Variants in RHBDL2 observed in about 807,000 individuals in gnomAD.
RHBDL2 encodes the protein rhomboid like 2, also known as rhomboid-related protein 2.
A neutral mutation model predicts 31.7 loss-of-function variants in RHBDL2; 26 were observed. That is an observed-to-expected ratio of 0.82 (90% CI 0.60 to 1.14). The LOEUF is 1.14. Ranked by LOEUF, RHBDL2 falls within the 50% of genes most tolerant of loss-of-function variation. The pLI, the probability that RHBDL2 is intolerant of heterozygous loss-of-function variation, is 0.00. For synonymous variants in RHBDL2, 123 were observed against 127.2 expected, an observed-to-expected ratio of 0.97 and a Z score of 0.22; for missense variants, 336 against 364.4, an observed-to-expected ratio of 0.92 and a Z score of 0.63.
intron 4 of RHBDL2, among the ~76,000 whole-genome samples, chr1:38,900,602 A>G (rs972999288): frequency 6.6e-6 from 1 of 151,834 alleles, no homozygotes; most frequent in Admixed American, 6.6e-5. Context: ...CCTGGGCGAC[A>G]AGAGTTAGAC....
At chr1:38,930,427 GTCTGGGCCGCCCCACAGCT>G (rs1187622174) in intron 1 of RHBDL2, among the ~76,000 whole-genome samples, 1 of 152,208 alleles carries the variant, frequency 6.6e-6, no homozygotes, top group East Asian at 1.9e-4. Context: ...TCAGACCAGA[GTCTGGGCCGCCCCACAGCT>G]ATTTAACATA....
At chr1:38,898,587 T>C (rs1642947858) in intron 4 of RHBDL2, among the ~76,000 whole-genome samples, 3 of 152,270 alleles carry the variant, frequency 2.0e-5, no homozygotes, top group Admixed American at 2.0e-4. Context: ...CAGTTATTAA[T>C]AGATGAGTTA....
chr1:38,929,134 T>C (rs1052540623), intron 1 of RHBDL2, among the ~76,000 whole-genome samples: 3 of 152,132 alleles, frequency 2.0e-5, no homozygotes, highest in Non-Finnish European at 2.9e-5. Context: ...AATCTTCTTT[T>C]TGGTTATTTT....
intron 3 of RHBDL2, among the ~76,000 whole-genome samples, chr1:38,911,646 G>A (rs1318295091): frequency 1.8e-5 from 1 of 56,908 alleles, no homozygotes; most frequent in African/African-American, 4.1e-5. Context: ...GTGTGTGTGT[G>A]CGCGCGCGCG....
intron 1 of RHBDL2, among the ~76,000 whole-genome samples, chr1:38,919,897 A>G (rs1348752825): frequency 6.6e-6 from 1 of 152,058 alleles, no homozygotes; most frequent in Non-Finnish European, 1.5e-5. Flanking sequence ...TTTAGAGTGT[A>G]CAATTCAGTG....
chr1:38,925,864 G>C lies in RHBDL2; in HGVS notation c.-125-6527C>G, dbSNP rs1411198571. Reference sequence around the variant, plus strand: ...AACAGTCATGTGAGATATCCAGGCAGAGCAGTAGGCCTGGCTCACTAACAG... The same window carrying C: ...AACAGTCATGTGAGATATCCAGGCACAGCAGTAGGCCTGGCTCACTAACAG... On this transcript the variant is annotated intron_variant, in intron 1 of 7. Transcript: ENST00000372990. 5.8e-6 allele frequency: 5 copies of C among 856,388 alleles called. No homozygotes were observed. The African/African-American group carries it at 8.8e-5, about 15-fold the overall frequency. The allele number at this position is 856,388 out of a possible 1,614,324, so 53.0% of individuals were successfully genotyped here.
At chr1:38,899,083 C>T (rs1447961316) in intron 4 of RHBDL2, among the ~76,000 whole-genome samples, 1 of 152,204 alleles carries the variant, frequency 6.6e-6, no homozygotes, top group Non-Finnish European at 1.5e-5. Flanking sequence ...CTTGTTTTCC[C>T]TCCTTTCTGA....
At chr1:38,909,007 TCTC>T (rs1039816465) in intron 4 of RHBDL2, among the ~76,000 whole-genome samples, 6 of 152,132 alleles carry the variant, frequency 3.9e-5, no homozygotes, top group African/African-American at 1.4e-4. Flanking sequence ...CAGCCCGGGA[TCTC>T]CTCTGACTGC....
In RHBDL2 at chr1:38,911,442, GACAA is replaced by G. The variant is rs766909710; in HGVS notation, c.396-12_396-9del. 1 of 1,578,342 alleles carries G rather than the reference GACAA, an allele frequency of 6.3e-7. No individual in the cohort carries two copies. Among genetic ancestry groups the G allele is most frequent in the African/African-American group, 1.3e-5 (1 of 74,220 alleles). On this transcript the variant is annotated splice_polypyrimidine_tract_variant and intron_variant, in intron 3 of 7. Coordinates refer to ENST00000372990, the MANE Select transcript of RHBDL2 (RefSeq NM_017821.5). ...CCCAAGATGTGCTGAACTCTGCAAA[GACAA>G]ACAATAGTTGTCAAATATTATGACT...
rs566865702 is a variant in RHBDL2, at chr1:38,897,162, G to A, written c.509-1093C>T. ...GTCGCCCAGGCTGGAGTGCAGTGGC[G>A]TGATCTCAGCTCACTGCAAGCTCTG... On this transcript the variant is annotated intron_variant, in intron 4 of 7. Coordinates refer to ENST00000372990, the MANE Select transcript of RHBDL2 (RefSeq NM_017821.5). Among the ~76,000 whole-genome samples, 8 of 151,202 alleles carry A rather than the reference G, an allele frequency of 5.3e-5. No individual in the cohort carries two copies. The East Asian group carries it at 1.2e-3, about 22-fold the overall frequency.
intron 6 of RHBDL2, 22 bp downstream of exon 6, chr1:38,893,142 A>G (rs762457511): frequency 3.7e-6 from 5 of 1,353,050 alleles, no homozygotes; most frequent in Non-Finnish European, 5.3e-6. Flanking sequence ...GACAGTATGA[A>G]GTATTCACAA....
At chr1:38,889,361 C>A (rs1415139315) in intron 6 of RHBDL2, among the ~76,000 whole-genome samples, 1 of 152,168 alleles carries the variant, frequency 6.6e-6, no homozygotes, top group African/African-American at 2.4e-5. Flanking sequence ...CTCGACCTCC[C>A]AAAGTGCTGG....
At chr1:38,940,319 C>G (rs1397067408) in intron 1 of RHBDL2, among the ~76,000 whole-genome samples, 1 of 152,166 alleles carries the variant, frequency 6.6e-6, no homozygotes, top group Non-Finnish European at 1.5e-5. Flanking sequence ...ATTTTTACCA[C>G]AAACCAGCAC....
chr1:38,905,982 G>A (rs1021015441), intron 4 of RHBDL2, among the ~76,000 whole-genome samples: 4 of 150,976 alleles, frequency 2.6e-5, no homozygotes, highest in Non-Finnish European at 2.9e-5. Context: ...CAGGAGAATC[G>A]CTTGAACCTG....
chr1:38,912,236 C>T (rs2124327074), intron 3 of RHBDL2, among the ~76,000 whole-genome samples: 1 of 152,096 alleles, frequency 6.6e-6, no homozygotes, highest in South Asian at 2.1e-4. Context: ...CTCCCAAAGA[C>T]TGGGATTACA....
intron 1 of RHBDL2, among the ~76,000 whole-genome samples, chr1:38,927,401 T>C (rs1643390687): frequency 6.6e-6 from 1 of 152,036 alleles, no homozygotes; most frequent in African/African-American, 2.4e-5. Flanking sequence ...CACTCCAGCC[T>C]GGGCGACAGA....
chr1:38,915,493 T>C (rs192807824), intron 3 of RHBDL2, 69 bp downstream of exon 3: 2 of 1,520,098 alleles, frequency 1.3e-6, no homozygotes, highest in East Asian at 2.3e-5. Context: ...AATAAAGCAC[T>C]CAACAAATGT....
rs182616111 is a variant in RHBDL2, at chr1:38,911,199, C to T, written c.508+123G>A. 623 of 624,220 alleles carry T rather than the reference C, an allele frequency of 1.0e-3. 4 individuals are homozygous for T. Among genetic ancestry groups the T allele is most frequent in the Admixed American group, 7.4e-3 (263 of 35,704 alleles). The allele number at this position is 624,220 out of a possible 1,614,324, so 38.7% of individuals were successfully genotyped here. ...TGATCTCTAAGGCTTAATGTGTTCC[C>T]GAGCACATATTAGGAGTGCAGTAAA... On this transcript the variant is annotated intron_variant, in intron 4 of 7. Coordinates refer to ENST00000372990, the MANE Select transcript of RHBDL2 (RefSeq NM_017821.5).
At chr1:38,905,604 T>A (rs960398736) in intron 4 of RHBDL2, among the ~76,000 whole-genome samples, 35 of 129,724 alleles carry the variant, frequency 2.7e-4, no homozygotes, top group African/African-American at 8.0e-4. Flanking sequence ...AAAAAAAAAA[T>A]TAGCTGGGTG....
Sources: allele counts gnomAD v4.1 joint callset (sites outside exome capture counted in the v4.1 genomes callset), GRCh38; gene constraint gnomAD v4.1.1; transcripts MANE v1.5; gene names NCBI Gene and HGNC (gene_info 2026-07-23, HGNC 2026-07-21).